Variants in SYNDIG1L observed in about 807,000 individuals in gnomAD.
The protein encoded by SYNDIG1L is synapse differentiation inducing 1 like.
A neutral mutation model predicts 20.1 loss-of-function variants in SYNDIG1L; 13 were observed. The observed-to-expected ratio is 0.65, with a 90% CI of 0.42 to 1.03. The LOEUF is 1.03. SYNDIG1L is among the 50% of genes least tolerant of loss of function. The pLI, the probability that SYNDIG1L is intolerant of heterozygous loss-of-function variation, is 0.00. For missense variants in SYNDIG1L, 294 were observed against 305.1 expected, an observed-to-expected ratio of 0.96 and a Z score of 0.27; for synonymous variants, 128 against 129.3, an observed-to-expected ratio of 0.99 and a Z score of 0.07.
chr14:74,420,741 T>A (rs930345907), intron 1 of SYNDIG1L, among the ~76,000 whole-genome samples: 6 of 152,144 alleles, frequency 3.9e-5, no homozygotes, highest in Non-Finnish European at 8.8e-5. Flanking sequence ...AATAAAATCA[T>A]AATAAATCCT....
At chr14:74,451,967 G>A in the SYNDIG1L span, among the ~76,000 whole-genome samples, 77 of 140,464 alleles carry the variant, frequency 5.5e-4, 1 homozygote, top group Non-Finnish European at 9.0e-4. Context: ...TCCAGCCTGG[G>A]TAACAGAGAC....
At chr14:74,449,570 C>T in the SYNDIG1L span, among the ~76,000 whole-genome samples, 1 of 146,298 alleles carries the variant, frequency 6.8e-6, no homozygotes, top group Non-Finnish European at 1.5e-5. Flanking sequence ...TATGATTGTG[C>T]CACTGTATTT....
At chr14:74,463,638 C>A in the SYNDIG1L span, among the ~76,000 whole-genome samples, 49 of 152,268 alleles carry the variant, frequency 3.2e-4, 1 homozygote, top group East Asian at 9.4e-3. Context: ...AGGAAAGCAA[C>A]TGAGATCCAT....
At chr14:74,448,642 T>A in the SYNDIG1L span, among the ~76,000 whole-genome samples, 7 of 152,246 alleles carry the variant, frequency 4.6e-5, no homozygotes, top group Non-Finnish European at 1.0e-4. Context: ...CATAAATCAA[T>A]CTCCATAAAT....
At chr14:74,449,813 A>T in the SYNDIG1L span, among the ~76,000 whole-genome samples, 4 of 152,106 alleles carry the variant, frequency 2.6e-5, no homozygotes, top group Non-Finnish European at 5.9e-5. Context: ...ATGATCTCAA[A>T]TTCCACCTAC....
the SYNDIG1L span, among the ~76,000 whole-genome samples, chr14:74,439,225 G>A: frequency 1.3e-5 from 2 of 151,454 alleles, no homozygotes; most frequent in Non-Finnish European, 2.9e-5. Flanking sequence ...GTAATAACTC[G>A]TATTTTCCCT....
chr14:74,418,165 C>T (rs1447329133), intron 1 of SYNDIG1L, among the ~76,000 whole-genome samples: 1 of 152,152 alleles, frequency 6.6e-6, no homozygotes, highest in African/African-American at 2.4e-5. Context: ...ACTCTGGTGG[C>T]TGTTTGTTGA....
the SYNDIG1L span, among the ~76,000 whole-genome samples, chr14:74,470,596 G>A: frequency 6.6e-5 from 10 of 152,192 alleles, no homozygotes; most frequent in African/African-American, 1.4e-4. Context: ...TGGAGGCTCC[G>A]AGTGGCACCA....
At position 74,411,926 on chromosome 14, in the gene SYNDIG1L, C is replaced by T. The variant is rs569435267; in HGVS notation, c.-57-2125G>A. ...TCCCCCAGGGAGGGCACAGATGGTC[C>T]GGAGATGCTGGGCTGCCATGGGCCT... On this transcript the variant is annotated intron_variant, in intron 1 of 3. Transcript: ENST00000331628. Among the ~76,000 whole-genome samples the T allele has an allele frequency of 1.2e-3, 187 of 152,300 alleles. 1 individual carries two copies. The highest frequency in any genetic ancestry group is 8.3e-3 in the East Asian group (43 of 5,186).
At chr14:74,473,309 C>T in the SYNDIG1L span, among the ~76,000 whole-genome samples, 2 of 152,052 alleles carry the variant, frequency 1.3e-5, no homozygotes, top group South Asian at 2.1e-4. Context: ...CACTTGAACT[C>T]GGAAGGCGGA....
At position 74,425,043 on chromosome 14, in the gene SYNDIG1L, A is replaced by C. The variant is rs560620024; in HGVS notation, c.-58+869T>G. Reference sequence around the variant, plus strand: ...GGGTGGGGATAAAGCAGTAGAAAGAAGTGGTCAGCCACAAGGGTAGGCCAA... The same window carrying C: ...GGGTGGGGATAAAGCAGTAGAAAGACGTGGTCAGCCACAAGGGTAGGCCAA... On this transcript the variant is annotated intron_variant, in intron 1 of 3. Transcript: ENST00000331628. Among the ~76,000 whole-genome samples, 11 of 152,310 alleles carry C rather than the reference A, an allele frequency of 7.2e-5. No individual in the cohort carries two copies. In the South Asian group the frequency reaches 1.7e-3, roughly 23 times the overall value.
chr14:74,475,336 T>G, the SYNDIG1L span, among the ~76,000 whole-genome samples: 4 of 151,476 alleles, frequency 2.6e-5, no homozygotes, highest in African/African-American at 7.3e-5. Context: ...GGTATATTCT[T>G]ATCATCCTGT....
intron 1 of SYNDIG1L, 45 bp downstream of exon 1, chr14:74,425,867 G>C (rs561730020): frequency 7.9e-4 from 121 of 152,336 alleles, no homozygotes; most frequent in African/African-American, 2.8e-3. Flanking sequence ...TCCCCGCTCC[G>C]TGCCTAGCTC....
At chr14:74,476,204 C>G in the SYNDIG1L span, 1 of 566,362 alleles carries the variant, frequency 1.8e-6, no homozygotes, top group Non-Finnish European at 3.2e-6. Flanking sequence ...GTGTAGTGGG[C>G]AGAGCAATGC....
the SYNDIG1L span, among the ~76,000 whole-genome samples, chr14:74,444,290 C>G: frequency 6.6e-6 from 1 of 151,982 alleles, no homozygotes; most frequent in African/African-American, 2.4e-5. Flanking sequence ...AAACTCCTGA[C>G]CTCAGGTGAT....
the SYNDIG1L span, among the ~76,000 whole-genome samples, chr14:74,473,433 A>G: frequency 6.6e-6 from 1 of 152,202 alleles, no homozygotes; most frequent in Admixed American, 6.5e-5. Context: ...CTCAGAAGAT[A>G]TGTTGGCTGA....
chr14:74,420,390 C>CA (rs33945889), intron 1 of SYNDIG1L, among the ~76,000 whole-genome samples: 33,386 of 99,066 alleles, frequency 0.34, 5,060 homozygotes, highest in East Asian at 0.39. Context: ...GAGACTCTGT[C>CA]AAAAAAAAAA....
the SYNDIG1L span, among the ~76,000 whole-genome samples, chr14:74,477,064 AC>A: frequency 6.8e-4 from 32 of 46,760 alleles, no homozygotes; most frequent in South Asian, 1.8e-3. Flanking sequence ...ACACACACAC[AC>A]ACACACACAC....
the SYNDIG1L span, chr14:74,479,900 A>C: frequency 3.5e-4 from 385 of 1,087,972 alleles, 3 homozygotes; most frequent in South Asian, 4.9e-3. Flanking sequence ...GTTCTAGCAG[A>C]ATGTACCCTG....
Sources: allele counts gnomAD v4.1 joint callset (sites outside exome capture counted in the v4.1 genomes callset), GRCh38; gene constraint gnomAD v4.1.1; transcripts MANE v1.5; gene names NCBI Gene and HGNC (gene_info 2026-07-23, HGNC 2026-07-21).